Variants in AP2B1 observed in about 807,000 individuals in gnomAD.
AP2B1 encodes adaptor related protein complex 2 subunit beta 1.
A neutral mutation model predicts 102.0 loss-of-function variants in AP2B1; 23 were observed. The observed-to-expected ratio is 0.23, with a 90% CI of 0.16 to 0.32. AP2B1 has a LOEUF of 0.32. AP2B1 is among the 10% of genes least tolerant of loss of function. The probability of loss-of-function intolerance (pLI) is 1.00; values close to 1 mark genes in which losing one functional copy is unlikely to be tolerated. For missense variants in AP2B1, 541 were observed against 1,157.4 expected (o/e 0.47, Z 7.73); for synonymous variants, 381 against 421.2 (o/e 0.90, Z 1.17).
intron 10 of AP2B1, among the ~76,000 whole-genome samples, chr17:35,637,136 AAGC>A (rs2074629437): frequency 6.6e-6 from 1 of 152,250 alleles, no homozygotes; most frequent in Admixed American, 6.5e-5. Context: ...AATGAAATAA[AAGC>A]AGGTTTTATA....
At chr17:35,659,086 A>G (rs1447797857) in intron 14 of AP2B1, among the ~76,000 whole-genome samples, 1 of 152,196 alleles carries the variant, frequency 6.6e-6, no homozygotes, top group Non-Finnish European at 1.5e-5. Flanking sequence ...TCCTCATATG[A>G]TCATTCTACT....
chr17:35,621,609 C>T (rs1038116084), intron 5 of AP2B1, among the ~76,000 whole-genome samples: 1 of 152,172 alleles, frequency 6.6e-6, no homozygotes, highest in Non-Finnish European at 1.5e-5. Context: ...GTTAGACTTA[C>T]TTTTCTCCAT....
At chr17:35,594,794 T>C (rs886721425) in intron 2 of AP2B1, among the ~76,000 whole-genome samples, 4 of 152,206 alleles carry the variant, frequency 2.6e-5, no homozygotes, top group African/African-American at 9.6e-5. Context: ...ATATAATGCT[T>C]GTTTTTACCT....
chr17:35,683,641 C>A (rs1344776469), intron 18 of AP2B1, among the ~76,000 whole-genome samples: 5 of 152,162 alleles, frequency 3.3e-5, no homozygotes, highest in Non-Finnish European at 7.3e-5. Context: ...TTTTCACCTA[C>A]CTCGAAGTTT....
chr17:35,659,751 C>T (rs1364306306), intron 14 of AP2B1: 1 of 961,444 alleles, frequency 1.0e-6, no homozygotes, highest in Non-Finnish European at 1.2e-6. Flanking sequence ...AAATGGTATC[C>T]TTGGTGTTAC....
At chr17:35,647,461 CG>C (rs1189757700) in intron 12 of AP2B1, among the ~76,000 whole-genome samples, 2 of 151,400 alleles carry the variant, frequency 1.3e-5, no homozygotes, top group Non-Finnish European at 2.9e-5. Flanking sequence ...TTTTTTAACC[CG>C]GGCATTTCAA....
chr17:35,644,418 C>G (rs1313079875), intron 12 of AP2B1, among the ~76,000 whole-genome samples: 2 of 152,182 alleles, frequency 1.3e-5, no homozygotes, highest in Non-Finnish European at 2.9e-5. Flanking sequence ...AGCTCTGTCA[C>G]CCAGGCTGGA....
At position 35,598,349 on chromosome 17, in the gene AP2B1, C is replaced by T. The variant is rs1243638871; in HGVS notation, c.143+14C>T. ...GAAGGATGTTAGGTAAGAGTAATCA[C>T]CCTTGCCATTGATCACTTCAGAGGT... On this transcript the variant is annotated intron_variant, in intron 3 of 21. Transcript: ENST00000610402. 1 of 1,563,822 alleles carries T rather than the reference C, an allele frequency of 6.4e-7. No individual in the cohort carries two copies. The highest frequency in any genetic ancestry group is 8.8e-7 in the Non-Finnish European group (1 of 1,138,886).
intron 18 of AP2B1, among the ~76,000 whole-genome samples, chr17:35,692,121 C>T (rs889885539): frequency 4.6e-5 from 7 of 152,126 alleles, no homozygotes; most frequent in Admixed American, 1.3e-4. Flanking sequence ...CATAAGCAAT[C>T]GGCAAGAGTT....
rs117505972 is a variant in AP2B1 at position 35,619,977 on chromosome 17, G to T, written c.526-4420G>T. Among the ~76,000 whole-genome samples, 849 of 152,044 alleles carry T rather than the reference G, an allele frequency of 5.6e-3. 3 individuals are homozygous for T. The highest frequency in any genetic ancestry group is 0.031 in the Middle Eastern group (9 of 294). On this transcript the variant is annotated intron_variant, in intron 5 of 21. Coordinates refer to ENST00000610402, the MANE Select transcript of AP2B1 (RefSeq NM_001030006.2). The stretch of plus-strand genomic sequence containing the variant: ...TTTTTGGTATTTTAATTAGAGACAG[G>T]GTTTCACCATGTTGGCCAGGCTGAT...
At chr17:35,691,962 G>A (rs776615182) in intron 18 of AP2B1, among the ~76,000 whole-genome samples, 4 of 152,100 alleles carry the variant, frequency 2.6e-5, no homozygotes, top group Non-Finnish European at 4.4e-5. Context: ...TCCTTAGTGA[G>A]AACACTCCTT....
At chr17:35,621,398 C>T (rs1243476651) in intron 5 of AP2B1, 7 of 928,442 alleles carry the variant, frequency 7.5e-6, no homozygotes, top group South Asian at 5.0e-5. Flanking sequence ...AAAAATGTAA[C>T]AGTCTGACTG....
Position 35,710,247 on chromosome 17 carries a change from C to T in AP2B1, c.2553C>T (p.Phe851=). Residue 851 remains phenylalanine (F), a synonymous_variant, in exon 20 of 22, where the codon TTC becomes TTT. Coordinates refer to ENST00000610402, the MANE Select transcript of AP2B1 (RefSeq NM_001030006.2). ...VEDGKMERQV[F]LATWKDIPNE... ...TTTCCCATACAGAGCGCCAGGTCTT[C>T]CTTGCAACATGGAAGGATATTCCCA... The T allele has an allele frequency of 6.2e-7, 1 of 1,613,434 alleles. No homozygotes were observed. Among genetic ancestry groups the T allele is most frequent in the Non-Finnish European group, 8.5e-7 (1 of 1,179,438 alleles).
At chr17:35,625,518 A>G (rs2074289841) in intron 6 of AP2B1, among the ~76,000 whole-genome samples, 1 of 152,148 alleles carries the variant, frequency 6.6e-6, no homozygotes, top group Non-Finnish European at 1.5e-5. Flanking sequence ...CTCACTTAGC[A>G]AATATTTATT....
At chr17:35,616,201 G>T (rs1307148473) in intron 5 of AP2B1, among the ~76,000 whole-genome samples, 2 of 114,192 alleles carry the variant, frequency 1.8e-5, no homozygotes, top group Non-Finnish European at 3.3e-5. Flanking sequence ...GTCTCGCTCA[G>T]TCGCCCAGGC....
At chr17:35,606,520 A>G (rs1304704148) in intron 4 of AP2B1, among the ~76,000 whole-genome samples, 4 of 152,108 alleles carry the variant, frequency 2.6e-5, no homozygotes, top group Non-Finnish European at 5.9e-5. Flanking sequence ...GGTTACGGAC[A>G]CAAGCCACCA....
At chr17:35,690,274 C>G (rs1296197969) in intron 18 of AP2B1, among the ~76,000 whole-genome samples, 1 of 152,076 alleles carries the variant, frequency 6.6e-6, no homozygotes, top group Non-Finnish European at 1.5e-5. Context: ...CTTTTTAATT[C>G]TAGGATTTCC....
chr17:35,650,440 A>C (rs759774622), intron 12 of AP2B1, 90 bp from the exon 13 acceptor site: 428 of 1,473,652 alleles, frequency 2.9e-4, no homozygotes, highest in Non-Finnish European at 3.8e-4. Flanking sequence ...ATAAATCACT[A>C]CAACATTGGT....
chr17:35,688,380 C>T (rs2075977693), intron 18 of AP2B1, among the ~76,000 whole-genome samples: 2 of 152,050 alleles, frequency 1.3e-5, no homozygotes, highest in South Asian at 4.1e-4. Context: ...CTGTTTTTTT[C>T]TCAGTGAAAG....
Sources: gnomAD v4.1 joint callset for allele counts (sites outside exome capture counted in the v4.1 genomes callset) on GRCh38, gnomAD v4.1.1 for gene constraint, MANE v1.5 for transcripts, NCBI Gene and HGNC (gene_info 2026-07-23, HGNC 2026-07-21) for gene names.